DLG2: variants seen among roughly 807,000 people sequenced by gnomAD.
DLG2 encodes discs large MAGUK scaffold protein 2, also known as disks large homolog 2.
In DLG2, 45 loss-of-function variants were observed where a neutral mutation model predicts 132.5. The observed-to-expected ratio is 0.34, with a 90% confidence interval of 0.27 to 0.44. The LOEUF (loss-of-function observed/expected upper bound fraction) is 0.44. DLG2 is among the 20% of genes least tolerant of loss of function. The pLI, the probability that DLG2 is intolerant of heterozygous loss-of-function variation, is 1.00. For missense variants in DLG2, 1,045 were observed against 1,196.9 expected, an observed-to-expected ratio of 0.87 and a Z score of 1.87; for synonymous variants, 424 against 419.6, an observed-to-expected ratio of 1.01 and a Z score of -0.13.
chr11:84,997,657 T>C (rs1031391570), intron 6 of DLG2: 5 of 152,220 alleles, frequency 3.3e-5, no homozygotes, highest in African/African-American at 1.2e-4. Flanking sequence ...ATACTTTCCT[T>C]TCACTTCAAT....
chr11:85,489,515 CA>C (rs2093509170), intron 3 of DLG2, among the ~76,000 whole-genome samples: 1 of 151,886 alleles, frequency 6.6e-6, no homozygotes, highest in South Asian at 2.1e-4. Flanking sequence ...GACCGAAAAT[CA>C]ACAAAAAAAC....
At chr11:85,526,826 A>AT (rs1409034036) in intron 3 of DLG2, among the ~76,000 whole-genome samples, 1 of 152,070 alleles carries the variant, frequency 6.6e-6, no homozygotes, top group East Asian at 1.9e-4. Flanking sequence ...TTTTTCTGTA[A>AT]TTGGGAGCAA....
chr11:84,061,484 G>GC (rs1221197591), intron 10 of DLG2, among the ~76,000 whole-genome samples: 3 of 152,168 alleles, frequency 2.0e-5, no homozygotes, highest in Admixed American at 2.0e-4. Context: ...GCTTAAAGCT[G>GC]TCAGCAATTT....
At chr11:84,895,296 T>A in intron 6 of DLG2, among the ~76,000 whole-genome samples, 1 of 151,998 alleles carries the variant, frequency 6.6e-6, no homozygotes, top group South Asian at 2.1e-4. Flanking sequence ...AACAAAGCAA[T>A]GGTTAGTTAT....
chr11:83,935,840 A>AGATCTGGCTCT (rs749402840), intron 14 of DLG2, among the ~76,000 whole-genome samples: 1 of 152,252 alleles, frequency 6.6e-6, no homozygotes, highest in Non-Finnish European at 1.5e-5. Flanking sequence ...AACTAGGTTT[A>AGATCTGGCTCT]GATCTGGCTC....
chr11:83,530,098 C>T (rs540745652), intron 21 of DLG2, among the ~76,000 whole-genome samples: 1 of 151,412 alleles, frequency 6.6e-6, no homozygotes, highest in South Asian at 2.1e-4. Flanking sequence ...GTCTGTCTGT[C>T]TATCTATCTA....
intron 10 of DLG2, among the ~76,000 whole-genome samples, chr11:84,065,092 A>G (rs1344702985): frequency 1.3e-5 from 2 of 152,156 alleles, no homozygotes; most frequent in South Asian, 2.1e-4. Flanking sequence ...AGACTTAAAT[A>G]TAAAACCTAA....
intron 19 of DLG2, among the ~76,000 whole-genome samples, chr11:83,570,361 A>G (rs969290518): frequency 6.6e-6 from 1 of 152,210 alleles, no homozygotes; most frequent in African/African-American, 2.4e-5. Flanking sequence ...ATTTAAAGAA[A>G]TAATGTAAGC....
At chr11:83,693,733 G>C (rs978714856) in intron 18 of DLG2, 1 of 152,166 alleles carries the variant, frequency 6.6e-6, no homozygotes, top group East Asian at 1.9e-4. Context: ...CTCTTTCAGA[G>C]GGTTTGCTGT....
At chr11:83,935,185 T>A (rs2081187677) in intron 14 of DLG2, among the ~76,000 whole-genome samples, 1 of 152,156 alleles carries the variant, frequency 6.6e-6, no homozygotes, top group African/African-American at 2.4e-5. Context: ...CTCAGATGCC[T>A]AAGTATCTAA....
chr11:84,941,921 A>G (rs990161192), intron 6 of DLG2, among the ~76,000 whole-genome samples: 2 of 151,872 alleles, frequency 1.3e-5, no homozygotes, highest in Non-Finnish European at 2.9e-5. Context: ...CCATCTCATT[A>G]CTTCTTATTG....
At chr11:84,031,875 A>AT (rs910124203) in intron 11 of DLG2, among the ~76,000 whole-genome samples, 13 of 152,030 alleles carry the variant, frequency 8.6e-5, no homozygotes, top group African/African-American at 2.2e-4. Context: ...CGTGTGTCAC[A>AT]TTTTTTTTGG....
At chr11:84,012,815 G>T (rs2094958699) in intron 11 of DLG2, among the ~76,000 whole-genome samples, 1 of 151,984 alleles carries the variant, frequency 6.6e-6, no homozygotes, top group Non-Finnish European at 1.5e-5. Flanking sequence ...AGGGATCTCG[G>T]GGTTAATCTA....
rs190803655 is a variant in DLG2, at chr11:85,079,637, G to T, written c.357+32024C>A. On this transcript the variant is annotated intron_variant, in intron 6 of 27. Coordinates refer to ENST00000376104, the MANE Select transcript of DLG2 (RefSeq NM_001142699.3). Reference sequence around the variant, plus strand: ...GTCTATCCTGTCCCTTGGTGGGACCGCTATGGCCAAGTGACTTTGAGCCAA... The same window carrying T: ...GTCTATCCTGTCCCTTGGTGGGACCTCTATGGCCAAGTGACTTTGAGCCAA... Among the ~76,000 whole-genome samples the T allele has an allele frequency of 6.2e-3, 943 of 152,182 alleles. 11 individuals carry two copies. The highest frequency in any genetic ancestry group is 0.021 in the African/African-American group (869 of 41,542).
intron 6 of DLG2, among the ~76,000 whole-genome samples, chr11:84,743,745 T>C (rs1051268026): frequency 7.2e-6 from 1 of 138,160 alleles, no homozygotes; most frequent in Non-Finnish European, 1.5e-5. Flanking sequence ...AAGAGAATTT[T>C]CTTTTCTTTT....
chr11:84,934,504 G>GTTTTTTTTTTTTTT (rs113436905), intron 6 of DLG2, among the ~76,000 whole-genome samples: 5 of 33,866 alleles, frequency 1.5e-4, no homozygotes, highest in East Asian at 2.3e-3. Flanking sequence ...GGTCCTGGGT[G>GTTTTTTTTTTTTTT]TTTTTTTTTT....
rs562863945 is a variant in DLG2 at position 85,044,880 on chromosome 11, T to C, written c.357+66781A>G. Among the ~76,000 whole-genome samples, 8 of 152,170 alleles carry C rather than the reference T, an allele frequency of 5.3e-5. No individual in the cohort carries two copies. In the East Asian group the frequency reaches 1.2e-3, roughly 22 times the overall value. ...AGGAGTTTCATTTTCTCTTTAAAAA[T>C]AGATGAAGCTTAAGTAAATGGGAAA... is the stretch of plus-strand genomic sequence containing the variant. On this transcript the variant is annotated intron_variant, in intron 6 of 27. Coordinates refer to ENST00000376104, the MANE Select transcript of DLG2 (RefSeq NM_001142699.3).
At chr11:84,129,591 G>A (rs1254766677) in intron 9 of DLG2, among the ~76,000 whole-genome samples, 2 of 151,938 alleles carry the variant, frequency 1.3e-5, no homozygotes, top group Non-Finnish European at 2.9e-5. Context: ...AAGAGTGTAT[G>A]GTAAGAAAAG....
chr11:84,952,516 C>CA (rs201499502), intron 6 of DLG2, among the ~76,000 whole-genome samples: 12,593 of 140,774 alleles, frequency 0.089, 787 homozygotes, highest in Non-Finnish European at 0.11. Flanking sequence ...GACTCCGTCT[C>CA]AAAAAGAAAA....
Sources: gnomAD v4.1 joint callset for allele counts (sites outside exome capture counted in the v4.1 genomes callset) on GRCh38, gnomAD v4.1.1 for gene constraint, MANE v1.5 for transcripts, NCBI Gene and HGNC (gene_info 2026-07-23, HGNC 2026-07-21) for gene names.